REC114: variants seen among roughly 807,000 people sequenced by gnomAD.
The protein encoded by REC114 is REC114 meiotic recombination protein.
REC114 carries 27 observed loss-of-function variants against 31.3 expected under a neutral mutation model. The ratio of observed to expected loss-of-function variants is 0.86; its 90% CI spans 0.64 to 1.19. The LOEUF (loss-of-function observed/expected upper bound fraction) is 1.19. Among genes scored for constraint, REC114 ranks in the 50% most tolerant of loss-of-function variants. The probability of loss-of-function intolerance (pLI) is 0.00; values close to 1 mark genes in which losing one functional copy is unlikely to be tolerated. For synonymous variants in REC114, 134 were observed against 127.7 expected (o/e 1.05, Z -0.33); for missense variants, 344 against 326.9 (o/e 1.05, Z -0.40).
chr15:73,530,710 C>G (rs1403756627), intron 2 of REC114, among the ~76,000 whole-genome samples: 1 of 151,610 alleles, frequency 6.6e-6, no homozygotes, highest in Non-Finnish European at 1.5e-5. Context: ...CTCTTCACAT[C>G]GTTGTCTTCA....
At chr15:73,479,110 A>G (rs1893257357) in intron 2 of REC114, among the ~76,000 whole-genome samples, 1 of 151,832 alleles carries the variant, frequency 6.6e-6, no homozygotes, top group Non-Finnish European at 1.5e-5. Context: ...AGCAATGGTG[A>G]GAGTTGATGT....
intron 2 of REC114, among the ~76,000 whole-genome samples, chr15:73,475,697 A>G (rs1245058670): frequency 6.6e-6 from 1 of 152,210 alleles, no homozygotes; most frequent in East Asian, 1.9e-4. Flanking sequence ...TTTAAAATAA[A>G]TTTATTTATA....
intron 2 of REC114, among the ~76,000 whole-genome samples, chr15:73,532,724 CA>C (rs1456863627): frequency 1.3e-5 from 2 of 152,086 alleles, no homozygotes; most frequent in Admixed American, 1.3e-4. Context: ...AACTCCAAGG[CA>C]CATAATTGTC....
intron 2 of REC114, among the ~76,000 whole-genome samples, chr15:73,490,371 T>G (rs1028243351): frequency 3.3e-5 from 5 of 152,232 alleles, no homozygotes; most frequent in Non-Finnish European, 7.3e-5. Context: ...TGGTTTGTCA[T>G]TGACTATTCT....
At chr15:73,520,213 CT>C (rs927611511) in intron 2 of REC114, among the ~76,000 whole-genome samples, 47 of 147,742 alleles carry the variant, frequency 3.2e-4, no homozygotes, top group African/African-American at 8.7e-4. Flanking sequence ...AATTGTATCT[CT>C]TTTTTTTTTC....
At chr15:73,556,440 C>G in intron 5 of REC114, 49 bp downstream of exon 5, 2 of 1,473,166 alleles carry the variant, frequency 1.4e-6, no homozygotes, top group African/African-American at 1.4e-5. Flanking sequence ...AAGCAGTGAC[C>G]CCTAAGAATT....
At chr15:73,540,673 C>T in intron 3 of REC114, 105 bp downstream of exon 3, 3 of 970,772 alleles carry the variant, frequency 3.1e-6, no homozygotes, top group South Asian at 1.3e-5. Context: ...GGGAAGAATA[C>T]AAATGTTTAA....
chr15:73,533,606 A>G (rs1238179484), intron 2 of REC114, among the ~76,000 whole-genome samples: 4 of 151,002 alleles, frequency 2.6e-5, no homozygotes, highest in East Asian at 1.9e-4. Context: ...TAACACCCCA[A>G]TGTCAACATT....
chr15:73,445,760 C>T (rs1892755962), intron 1 of REC114, among the ~76,000 whole-genome samples: 1 of 152,118 alleles, frequency 6.6e-6, no homozygotes, highest in Admixed American at 6.5e-5. Context: ...ATTAAGTTCA[C>T]TGTCTTCTAT....
At chr15:73,510,212 TG>T (rs1893742573) in intron 2 of REC114, among the ~76,000 whole-genome samples, 2 of 152,324 alleles carry the variant, frequency 1.3e-5, no homozygotes, top group South Asian at 2.1e-4. Context: ...CAATTGTGAA[TG>T]GGAGTTCACT....
intron 2 of REC114, among the ~76,000 whole-genome samples, chr15:73,494,650 G>A (rs1340543011): frequency 6.6e-6 from 1 of 152,136 alleles, no homozygotes; most frequent in Non-Finnish European, 1.5e-5. Context: ...ACGTTTGGTT[G>A]TTCGTGGTAT....
At chr15:73,460,379 G>GACACTATGCAAA (rs1892974000) in intron 1 of REC114, among the ~76,000 whole-genome samples, 1 of 152,060 alleles carries the variant, frequency 6.6e-6, no homozygotes, top group African/African-American at 2.4e-5. Flanking sequence ...CACTATGCAA[G>GACACTATGCAAA]GCTCTGTTTA....
chr15:73,454,059 T>TGG (rs1892886603), intron 1 of REC114, among the ~76,000 whole-genome samples: 1 of 152,020 alleles, frequency 6.6e-6, no homozygotes, highest in South Asian at 2.1e-4. Context: ...ATAGCACGTG[T>TGG]ATACCTATGT....
At position 73,473,013 on chromosome 15, in the gene REC114, G is replaced by T. The variant is rs1199935600; in HGVS notation, c.160-819G>T. ...ATTAGACTACACCAAGCAGATTATG[G>T]TAAGTTTATGGCACCATATTTTAAG... is the stretch of plus-strand genomic sequence containing the variant. On this transcript the variant is annotated intron_variant, in intron 1 of 5. Coordinates refer to ENST00000331090, the MANE Select transcript of REC114 (RefSeq NM_001042367.2). Among the ~76,000 whole-genome samples the T allele has an allele frequency of 3.9e-5, 6 of 152,090 alleles. No homozygotes were observed. The East Asian group carries it at 1.2e-3, about 29-fold the overall frequency.
intron 2 of REC114, among the ~76,000 whole-genome samples, chr15:73,537,842 C>T (rs1396974787): frequency 6.6e-6 from 1 of 152,212 alleles, no homozygotes; most frequent in Non-Finnish European, 1.5e-5. Flanking sequence ...TTCGCCTTCA[C>T]TCCCTGCAGA....
At chr15:73,503,047 A>G (rs777115070) in intron 2 of REC114, among the ~76,000 whole-genome samples, 25 of 152,232 alleles carry the variant, frequency 1.6e-4, no homozygotes, top group Non-Finnish European at 4.4e-5. Flanking sequence ...GAATAAATGG[A>G]GCTGTCATGC....
At chr15:73,451,503 A>G (rs1250073668) in intron 1 of REC114, among the ~76,000 whole-genome samples, 1 of 152,182 alleles carries the variant, frequency 6.6e-6, no homozygotes. Flanking sequence ...CCTACCAACT[A>G]AAAAAAGTCC....
intron 3 of REC114, among the ~76,000 whole-genome samples, chr15:73,547,471 T>A (rs934444405): frequency 6.6e-6 from 1 of 152,232 alleles, no homozygotes; most frequent in African/African-American, 2.4e-5. Flanking sequence ...ACAACCATTA[T>A]GGAGAACAGT....
Position 73,556,783 on chromosome 15 carries a change from G to T in REC114, c.636+392G>T, listed in dbSNP as rs529917365. ...AAATATCAAAATGAATGTGGATTCA[G>T]ATCTACAACAATTTCTATATGGGTA... On this transcript the variant is annotated intron_variant, in intron 5 of 5. Coordinates refer to ENST00000331090, the MANE Select transcript of REC114 (RefSeq NM_001042367.2). Among the ~76,000 whole-genome samples, 3 of 152,288 alleles carry T rather than the reference G, an allele frequency of 2.0e-5. No individual in the cohort carries two copies. In the South Asian group the frequency reaches 6.2e-4, roughly 32 times the overall value.
Sources: allele counts gnomAD v4.1 joint callset (sites outside exome capture counted in the v4.1 genomes callset), GRCh38; gene constraint gnomAD v4.1.1; transcripts MANE v1.5; gene names NCBI Gene and HGNC (gene_info 2026-07-23, HGNC 2026-07-21).